MGAT5: variants seen among roughly 807,000 people sequenced by gnomAD.
MGAT5 encodes the protein alpha-1,6-mannosylglycoprotein 6-beta-N-acetylglucosaminyltransferase.
A neutral mutation model predicts 94.3 loss-of-function variants in MGAT5; 30 were observed. That is an observed-to-expected ratio of 0.32 (90% CI 0.24 to 0.43). The LOEUF (loss-of-function observed/expected upper bound fraction) is 0.43, where lower values mean the gene tolerates loss of function less well. Among genes scored for constraint, MGAT5 ranks in the 20% least tolerant of loss-of-function variants. The pLI is 1.00. For missense variants in MGAT5, 691 were observed against 905.5 expected (o/e 0.76, Z 3.04); for synonymous variants, 310 against 322.9 (o/e 0.96, Z 0.43).
chr2:134,328,169 A>C (rs1687753906), intron 4 of MGAT5, among the ~76,000 whole-genome samples: 1 of 151,976 alleles, frequency 6.6e-6, no homozygotes, highest in Non-Finnish European at 1.5e-5. Flanking sequence ...TTAGAACCCC[A>C]CTGGTTTTGT....
At chr2:134,254,842 C>T (rs970575300) in intron 1 of MGAT5, among the ~76,000 whole-genome samples, 198 bp downstream of exon 1, 1 of 152,184 alleles carries the variant, frequency 6.6e-6, no homozygotes, top group African/African-American at 2.4e-5. Context: ...TGTATGCAGA[C>T]ACACTTTCCC....
intron 10 of MGAT5, among the ~76,000 whole-genome samples, chr2:134,379,693 C>T (rs1306095496): frequency 6.6e-6 from 1 of 152,194 alleles, no homozygotes; most frequent in Non-Finnish European, 1.5e-5. Flanking sequence ...TCCCTGGTGA[C>T]TAGCTAGGCC....
At chr2:134,264,899 A>T (rs1683606247) in intron 1 of MGAT5, among the ~76,000 whole-genome samples, 1 of 152,184 alleles carries the variant, frequency 6.6e-6, no homozygotes, top group Admixed American at 6.5e-5. Context: ...GCAGGCACAG[A>T]TGTAAATAAT....
At chr2:134,283,170 G>A (rs112560537) in intron 2 of MGAT5, among the ~76,000 whole-genome samples, 1 of 152,288 alleles carries the variant, frequency 6.6e-6, no homozygotes, top group African/African-American at 2.4e-5. Context: ...TGGGGTTCAA[G>A]TCTGAGTTCC....
intron 2 of MGAT5, among the ~76,000 whole-genome samples, chr2:134,300,128 A>G (rs567344934): frequency 1.3e-5 from 2 of 152,306 alleles, no homozygotes; most frequent in South Asian, 4.1e-4. Flanking sequence ...GCAAGAAGCA[A>G]CCATTCTCTG....
chr2:134,196,013 A>G (rs1679479545), intron 1 of MGAT5, among the ~76,000 whole-genome samples: 1 of 152,202 alleles, frequency 6.6e-6, no homozygotes, highest in Non-Finnish European at 1.5e-5. Context: ...GTAAAAAGTC[A>G]GGATGATCCT....
chr2:134,324,416 T>C (rs1246929356), intron 4 of MGAT5, among the ~76,000 whole-genome samples: 1 of 152,184 alleles, frequency 6.6e-6, no homozygotes, highest in Non-Finnish European at 1.5e-5. Context: ...GTAAAGGTCT[T>C]TGCTTCTTTC....
intron 2 of MGAT5, 142 bp downstream of exon 2, chr2:134,270,692 C>A: frequency 1.2e-6 from 1 of 814,078 alleles, no homozygotes; most frequent in Non-Finnish European, 1.8e-6. Context: ...AAAGATAAGT[C>A]TAAATTTATT....
chr2:134,343,796 A>AAC (rs2106014973), intron 7 of MGAT5, among the ~76,000 whole-genome samples: 1 of 152,264 alleles, frequency 6.6e-6, no homozygotes, highest in Admixed American at 6.5e-5. Context: ...GTTTCATGGG[A>AAC]ACACAGCCAT....
chr2:134,340,660 C>G (rs1213467102), intron 6 of MGAT5, among the ~76,000 whole-genome samples: 1 of 152,056 alleles, frequency 6.6e-6, no homozygotes, highest in African/African-American at 2.4e-5. Context: ...TCAGGGTGAC[C>G]AAATGGTTGA....
intron 1 of MGAT5, among the ~76,000 whole-genome samples, chr2:134,162,355 A>G (rs1019879147): frequency 1.3e-5 from 2 of 152,220 alleles, no homozygotes; most frequent in African/African-American, 4.8e-5. Context: ...CTTAAAGAAT[A>G]TGACCAGAAG....
At chr2:134,350,923 G>A (rs1417449067) in intron 9 of MGAT5, among the ~76,000 whole-genome samples, 5 of 152,068 alleles carry the variant, frequency 3.3e-5, no homozygotes, top group Admixed American at 3.3e-4. Flanking sequence ...AGACCCAAAA[G>A]ACCCCTTCCT....
intron 1 of MGAT5, among the ~76,000 whole-genome samples, chr2:134,159,188 CGTGTGTGTGTGTGTGTGTGTGT>C (rs138643972): frequency 2.1e-5 from 3 of 144,008 alleles, no homozygotes; most frequent in Admixed American, 6.9e-5. Flanking sequence ...GGTCTAAATT[CGTGTGTGTGTGTGTGTGTGTGT>C]GTGTGTGTGT....
intron 4 of MGAT5, among the ~76,000 whole-genome samples, chr2:134,328,598 T>C (rs1687779129): frequency 6.6e-6 from 1 of 152,128 alleles, no homozygotes; most frequent in East Asian, 1.9e-4. Context: ...GTCATGCTTT[T>C]TGATTTATTC....
At chr2:134,232,849 T>C (rs1283644984) in intron 1 of MGAT5, among the ~76,000 whole-genome samples, 1 of 152,236 alleles carries the variant, frequency 6.6e-6, no homozygotes, top group East Asian at 1.9e-4. Context: ...GTGTGTCTTC[T>C]TGTATGTACA....
chr2:134,325,322 G>A (rs916287272), intron 4 of MGAT5, among the ~76,000 whole-genome samples: 49 of 152,038 alleles, frequency 3.2e-4, no homozygotes, highest in African/African-American at 1.1e-3. Flanking sequence ...TTTAAATATC[G>A]TCTCATGTAA....
In MGAT5 at chr2:134,366,495, C is replaced by G. The variant is rs78793672; in HGVS notation, c.1380+4087C>G. ...TGTCCTGGAGGCCTTTCTTTGACCA[C>G]GTCAGGAGAACAAGAGTTGCCTCTG... On this transcript the variant is annotated intron_variant, in intron 10 of 15. Coordinates refer to ENST00000281923, the MANE Select transcript of MGAT5 (RefSeq NM_002410.5). Among the ~76,000 whole-genome samples the G allele has an allele frequency of 9.1e-3, 1,387 of 152,230 alleles. 22 individuals are homozygous for G. The highest frequency in any genetic ancestry group is 0.032 in the African/African-American group (1,321 of 41,508).
upstream of MGAT5, among the ~76,000 whole-genome samples, chr2:134,249,725 CT>C (rs1293497859): frequency 6.6e-6 from 1 of 152,232 alleles, no homozygotes; most frequent in African/African-American, 2.4e-5. Context: ...CTGAGTACTT[CT>C]GTGTACAAGT....
upstream of MGAT5, among the ~76,000 whole-genome samples, chr2:134,250,325 G>C (rs1163899353): frequency 6.6e-6 from 1 of 152,210 alleles, no homozygotes; most frequent in Non-Finnish European, 1.5e-5. Flanking sequence ...TAGTCCCACT[G>C]TGCCCATTGG....
Sources: allele counts gnomAD v4.1 joint callset (sites outside exome capture counted in the v4.1 genomes callset), GRCh38; gene constraint gnomAD v4.1.1; transcripts MANE v1.5; gene names NCBI Gene and HGNC (gene_info 2026-07-23, HGNC 2026-07-21).